The following FHIT variants were observed in gnomAD, a reference collection of about 807,000 sequenced individuals.
FHIT encodes the protein bis(5'-adenosyl)-triphosphatase.
A neutral mutation model predicts 17.9 loss-of-function variants in FHIT; 19 were observed. That is an observed-to-expected ratio of 1.06 (90% CI 0.74 to 1.56). FHIT has a LOEUF of 1.56. Ranked by LOEUF, FHIT falls within the 40% of genes most tolerant of loss-of-function variation. The pLI, the probability that FHIT is intolerant of heterozygous loss-of-function variation, is 0.00. For synonymous variants in FHIT, 81 were observed against 69.7 expected, an observed-to-expected ratio of 1.16 and a Z score of -0.81; for missense variants, 248 against 189.2, an observed-to-expected ratio of 1.31 and a Z score of -1.82.
At chr3:60,841,065 G>C (rs1575587444) in intron 3 of FHIT, among the ~76,000 whole-genome samples, 1 of 151,960 alleles carries the variant, frequency 6.6e-6, no homozygotes, top group East Asian at 1.9e-4. Context: ...TTCTGTTTCG[G>C]GTCATTATTT....
chr3:60,481,348 A>T (rs946846576), intron 5 of FHIT, among the ~76,000 whole-genome samples: 2 of 152,188 alleles, frequency 1.3e-5, no homozygotes, highest in African/African-American at 4.8e-5. Context: ...CTCCAGAAGA[A>T]GAGCAACCCC....
intron 5 of FHIT, among the ~76,000 whole-genome samples, chr3:60,522,604 G>A (rs1301719353): frequency 6.6e-6 from 1 of 152,158 alleles, no homozygotes; most frequent in Non-Finnish European, 1.5e-5. Flanking sequence ...TAGTAGAGAT[G>A]TTGAGTACCA....
chr3:60,369,957 T>C (rs1700256542), intron 5 of FHIT, among the ~76,000 whole-genome samples: 1 of 152,232 alleles, frequency 6.6e-6, no homozygotes, highest in African/African-American at 2.4e-5. Context: ...ACAGTCATGA[T>C]TAACTATGTT....
intron 5 of FHIT, among the ~76,000 whole-genome samples, chr3:60,534,357 C>T (rs1369247746): frequency 7.1e-6 from 1 of 140,592 alleles, no homozygotes; most frequent in Non-Finnish European, 1.5e-5. Flanking sequence ...GGCGTGAACC[C>T]GGGAAGCGGA....
Position 60,982,349 on chromosome 3 carries a change from C to A in FHIT, c.-111+59698G>T, listed in dbSNP as rs567366639. Among the ~76,000 whole-genome samples the A allele has an allele frequency of 3.3e-5, 5 of 152,330 alleles. No homozygotes were observed. The South Asian group carries it at 1.0e-3, about 32-fold the overall frequency. ...TCTGTTTACCATGTGAACTGTGGAGCTTTGGGCCAGCTTCTTAGCTTCCCT... is the reference window on the plus strand; with the variant it reads ...TCTGTTTACCATGTGAACTGTGGAGATTTGGGCCAGCTTCTTAGCTTCCCT... On this transcript the variant is annotated intron_variant, in intron 3 of 9. Coordinates refer to ENST00000492590, the MANE Select transcript of FHIT (RefSeq NM_002012.4).
intron 3 of FHIT, among the ~76,000 whole-genome samples, chr3:60,857,116 C>T (rs1209206012): frequency 6.6e-6 from 1 of 152,096 alleles, no homozygotes; most frequent in Non-Finnish European, 1.5e-5. Context: ...TGTAACAAGC[C>T]TGAACATACA....
intron 5 of FHIT, among the ~76,000 whole-genome samples, chr3:60,125,059 C>T (rs1233439749): frequency 6.6e-6 from 1 of 152,202 alleles, no homozygotes; most frequent in African/African-American, 2.4e-5. Context: ...ATATACTGAA[C>T]TCATTCAACC....
At chr3:60,294,322 G>A (rs1324260842) in intron 5 of FHIT, among the ~76,000 whole-genome samples, 2 of 152,098 alleles carry the variant, frequency 1.3e-5, no homozygotes, top group Non-Finnish European at 2.9e-5. Flanking sequence ...ACTGAAACAT[G>A]AAACCATCAA....
intron 4 of FHIT, among the ~76,000 whole-genome samples, chr3:60,554,296 C>A (rs2036669902): frequency 6.6e-6 from 1 of 150,846 alleles, no homozygotes; most frequent in African/African-American, 2.4e-5. Context: ...TTCATGTGGA[C>A]TGTAATAGCA....
At chr3:59,969,382 A>C (rs1024047925) in intron 7 of FHIT, among the ~76,000 whole-genome samples, 3 of 152,256 alleles carry the variant, frequency 2.0e-5, no homozygotes, top group Middle Eastern at 3.4e-3. Flanking sequence ...CTATCCATAC[A>C]AAACAGTCCC....
At chr3:60,628,010 G>A (rs1050684812) in intron 4 of FHIT, among the ~76,000 whole-genome samples, 2 of 151,848 alleles carry the variant, frequency 1.3e-5, no homozygotes, top group Admixed American at 6.6e-5. Flanking sequence ...GCTTTGTGTG[G>A]TTTACTCATT....
At chr3:61,144,474 GGCAATTATGAATAAT>G (rs2037171951) in intron 2 of FHIT, among the ~76,000 whole-genome samples, 1 of 151,984 alleles carries the variant, frequency 6.6e-6, no homozygotes, top group Non-Finnish European at 1.5e-5. Context: ...TCCACTTTTT[GGCAATTATGAATAAT>G]GCTACTATGA....
chr3:60,292,070 T>C (rs1708008878), intron 5 of FHIT, among the ~76,000 whole-genome samples: 1 of 152,066 alleles, frequency 6.6e-6, no homozygotes, highest in Non-Finnish European at 1.5e-5. Flanking sequence ...GTGATACTAA[T>C]ATTCAACTAG....
At chr3:60,225,938 A>T (rs1445180924) in intron 5 of FHIT, among the ~76,000 whole-genome samples, 2 of 152,170 alleles carry the variant, frequency 1.3e-5, no homozygotes, top group Non-Finnish European at 1.5e-5. Flanking sequence ...AGTCATTTCA[A>T]CATTTCTGTG....
chr3:59,846,406 T>G (rs920489869), intron 8 of FHIT, among the ~76,000 whole-genome samples: 2 of 151,808 alleles, frequency 1.3e-5, no homozygotes, highest in Non-Finnish European at 2.9e-5. Context: ...CCCCTTTCTG[T>G]TGTTGATGTC....
chr3:60,507,546 G>C (rs2107536087), intron 5 of FHIT, among the ~76,000 whole-genome samples: 1 of 152,266 alleles, frequency 6.6e-6, no homozygotes, highest in East Asian at 1.9e-4. Flanking sequence ...AAGCTCAGGG[G>C]TACGAGGGTA....
intron 5 of FHIT, among the ~76,000 whole-genome samples, chr3:60,395,949 C>T (rs537430332): frequency 4.6e-5 from 7 of 152,192 alleles, no homozygotes; most frequent in East Asian, 1.9e-4. Context: ...GGTACCTGTC[C>T]GGTGGTGGTA....
intron 3 of FHIT, among the ~76,000 whole-genome samples, chr3:60,839,435 T>C (rs1156461035): frequency 6.6e-6 from 1 of 152,196 alleles, no homozygotes; most frequent in Non-Finnish European, 1.5e-5. Flanking sequence ...TGCAATGAGA[T>C]CATGGCTAGA....
intron 4 of FHIT, among the ~76,000 whole-genome samples, chr3:60,763,669 C>T (rs538332236): frequency 3.4e-4 from 52 of 152,290 alleles, no homozygotes; most frequent in African/African-American, 1.2e-3. Context: ...AATGTATTGG[C>T]TACTACAAAA....
Sources: gnomAD v4.1 joint callset for allele counts (sites outside exome capture counted in the v4.1 genomes callset) on GRCh38, gnomAD v4.1.1 for gene constraint, MANE v1.5 for transcripts, NCBI Gene and HGNC (gene_info 2026-07-23, HGNC 2026-07-21) for gene names.